The following TRIM5 variants were observed in gnomAD, a reference collection of about 807,000 sequenced individuals.
TRIM5 encodes tripartite motif containing 5.
In TRIM5, 31 loss-of-function variants were observed where a neutral mutation model predicts 35.6. The ratio of observed to expected loss-of-function variants is 0.87; its 90% confidence interval spans 0.65 to 1.18. The LOEUF is 1.18. Ranked by LOEUF, TRIM5 falls within the 50% of genes most tolerant of loss-of-function variation. TRIM5 has a pLI of 0.00. For missense variants in TRIM5, 609 were observed against 591.6 expected (o/e 1.03, Z -0.31); for synonymous variants, 243 against 215.6 (o/e 1.13, Z -1.11).
chr11:5,608,453 A>G, the TRIM5 span: 696 of 1,605,522 alleles, frequency 4.3e-4, 12 homozygotes, highest in South Asian at 7.1e-3. Context: ...TCCTTTACCC[A>G]TGATCAGTGG....
the TRIM5 span, chr11:5,605,178 A>G: frequency 1.0e-6 from 1 of 967,210 alleles, no homozygotes; most frequent in Admixed American, 2.1e-5. Context: ...AAAGAAGGAA[A>G]GAACAGGCTA....
At chr11:5,617,846 T>TTA in the TRIM5 span, among the ~76,000 whole-genome samples, 4 of 151,314 alleles carry the variant, frequency 2.6e-5, no homozygotes, top group Admixed American at 6.6e-5. Context: ...ATCCTTTTTT[T>TTA]AAAAAAAATG....
At chr11:5,632,243 C>T in the TRIM5 span, 102 of 1,583,884 alleles carry the variant, frequency 6.4e-5, no homozygotes, top group Non-Finnish European at 7.7e-5. Flanking sequence ...CATCCCCTTT[C>T]AATCTTCTCA....
chr11:5,647,529 C>T, the TRIM5 span, among the ~76,000 whole-genome samples: 2 of 151,922 alleles, frequency 1.3e-5, no homozygotes, highest in African/African-American at 4.8e-5. Flanking sequence ...GCAAATGAGA[C>T]ATCATTTTTT....
At chr11:5,634,941 C>G in the TRIM5 span, 1 of 1,482,378 alleles carries the variant, frequency 6.7e-7, no homozygotes, top group Non-Finnish European at 9.0e-7. Context: ...GGTGGTGACA[C>G]TAAGGGGTTT....
rs1851123920 is a variant in TRIM5, at chr11:5,666,179, G to C, written c.768-98C>G. 8.0e-6 allele frequency: 8 copies of C among 1,005,342 alleles called. No homozygotes were observed. The Admixed American group carries it at 1.1e-4, about 14-fold the overall frequency. 62.3% of individuals were successfully genotyped at this position (1,005,342 alleles called of 1,614,324 possible). A position where few individuals can be genotyped will look rare whatever the true frequency, so the allele number is the denominator to read the frequency against. On this transcript the variant is annotated intron_variant, in intron 5 of 7. Transcript: ENST00000380034. ...ATCATTTCAACCCATTGAGGCACTT[G>C]AACTCTCTTCTTGGGGATCCTGAGA...
chr11:5,653,333 T>C, the TRIM5 span, among the ~76,000 whole-genome samples: 1 of 152,188 alleles, frequency 6.6e-6, no homozygotes, highest in Non-Finnish European at 1.5e-5. Context: ...TATGTGTTAG[T>C]CCTTGGGCTT....
At chr11:5,616,240 C>T in the TRIM5 span, among the ~76,000 whole-genome samples, 3 of 145,650 alleles carry the variant, frequency 2.1e-5, 1 homozygote, top group East Asian at 6.6e-4. Flanking sequence ...CGTGAGCCAC[C>T]GCGCCCGGCC....
chr11:5,672,962 G>A (rs1441316348), intron 4 of TRIM5, among the ~76,000 whole-genome samples: 2 of 152,026 alleles, frequency 1.3e-5, no homozygotes, highest in African/African-American at 4.8e-5. Context: ...ATCTACATTG[G>A]AAAATATTTA....
At chr11:5,603,535 G>T in the TRIM5 span, 1 of 1,614,066 alleles carries the variant, frequency 6.2e-7, no homozygotes, top group South Asian at 1.1e-5. Flanking sequence ...TCGGCATCTG[G>T]CCAACATAGT....
At chr11:5,603,368 T>C in the TRIM5 span, 3 of 1,614,122 alleles carry the variant, frequency 1.9e-6, no homozygotes, top group Non-Finnish European at 2.5e-6. Flanking sequence ...CCTATCTGCC[T>C]GGAGCTCCTA....
chr11:5,629,946 T>G, the TRIM5 span, among the ~76,000 whole-genome samples: 5 of 152,160 alleles, frequency 3.3e-5, no homozygotes, highest in Admixed American at 2.6e-4. Context: ...TACCTCGTGA[T>G]CCGCCTGCCT....
At chr11:5,663,019 A>C (rs1850884145), downstream of TRIM5, among the ~76,000 whole-genome samples, 1 of 152,104 alleles carries the variant, frequency 6.6e-6, no homozygotes, top group Non-Finnish European at 1.5e-5. Flanking sequence ...AGTCCCAGCT[A>C]CTCAGGAGGC....
the TRIM5 span, chr11:5,611,617 C>T: frequency 2.6e-4 from 90 of 345,026 alleles, no homozygotes; most frequent in Non-Finnish European, 4.0e-4. Context: ...CCATGCCCAA[C>T]TAATTTTTGT....
At chr11:5,641,985 G>C in the TRIM5 span, among the ~76,000 whole-genome samples, 1 of 152,118 alleles carries the variant, frequency 6.6e-6, no homozygotes, top group Non-Finnish European at 1.5e-5. Flanking sequence ...ATCACAGTCA[G>C]GATCTACAGC....
At position 5,664,629 on chromosome 11, in the gene TRIM5, T is replaced by C; in HGVS notation, c.*180A>G. On this transcript the variant is annotated 3_prime_UTR_variant, in exon 8 of 8. Coordinates refer to ENST00000380034, the MANE Select transcript of TRIM5 (RefSeq NM_033034.3). ...AAATTGCTATCAAATGTCAATAAAA[T>C]ATTGGGGACAATATGGCACAAGGCA... is the stretch of plus-strand genomic sequence containing the variant. The C allele has an allele frequency of 7.5e-7, 1 of 1,336,900 alleles. No individual in the cohort carries two copies. The allele number at this position is 1,336,900 out of a possible 1,614,324, so 82.8% of individuals were successfully genotyped here.
At chr11:5,676,798 G>A (rs1423149142) in intron 4 of TRIM5, among the ~76,000 whole-genome samples, 10 of 150,720 alleles carry the variant, frequency 6.6e-5, no homozygotes, top group African/African-American at 9.8e-5. Context: ...AAATAACGAC[G>A]CATATCTACA....
At chr11:5,655,225 T>G in the TRIM5 span, among the ~76,000 whole-genome samples, 1 of 151,860 alleles carries the variant, frequency 6.6e-6, no homozygotes, top group African/African-American at 2.4e-5. Flanking sequence ...GGCCTTTTCT[T>G]GCCTTTAGGA....
the TRIM5 span, chr11:5,655,542 C>T: frequency 6.5e-6 from 5 of 771,932 alleles, no homozygotes; most frequent in Non-Finnish European, 7.9e-6. Context: ...ACAAAAGATG[C>T]CAAAATATGT....
Sources: allele counts gnomAD v4.1 joint callset (sites outside exome capture counted in the v4.1 genomes callset), GRCh38; gene constraint gnomAD v4.1.1; transcripts MANE v1.5; gene names NCBI Gene and HGNC (gene_info 2026-07-23, HGNC 2026-07-21).